MLLT10: variants seen among roughly 807,000 people sequenced by gnomAD.
MLLT10 encodes MLLT10 histone lysine methyltransferase DOT1L cofactor, also known as protein AF-10.
A neutral mutation model predicts 129.1 loss-of-function variants in MLLT10; 30 were observed. The observed-to-expected ratio is 0.23, with a 90% CI of 0.17 to 0.32. MLLT10 has a LOEUF of 0.32. Ranked by LOEUF, MLLT10 falls within the 10% of genes least tolerant of loss-of-function variation. MLLT10 has a pLI of 1.00. For synonymous variants in MLLT10, 490 were observed against 446.4 expected, an observed-to-expected ratio of 1.10 and a Z score of -1.23; for missense variants, 1,119 against 1,268.3, an observed-to-expected ratio of 0.88 and a Z score of 1.79.
chr10:21,673,961 C>G, intron 11 of MLLT10, 42 bp downstream of exon 11: 1 of 1,448,842 alleles, frequency 6.9e-7, no homozygotes, highest in Non-Finnish European at 9.3e-7. Context: ...TCACTCCCAC[C>G]ACCTCCCTTC....
chr10:21,727,590 G>A (rs951180630), intron 15 of MLLT10, among the ~76,000 whole-genome samples: 3 of 152,214 alleles, frequency 2.0e-5, no homozygotes, highest in South Asian at 2.1e-4. Context: ...TGCAAACCAC[G>A]CTTCTGTGCT....
At chr10:21,720,074 C>T (rs181599352) in intron 14 of MLLT10, among the ~76,000 whole-genome samples, 14 of 152,192 alleles carry the variant, frequency 9.2e-5, no homozygotes, top group Admixed American at 8.5e-4. Flanking sequence ...AGTTAAGAAA[C>T]CTACTTAGAA....
intron 9 of MLLT10, among the ~76,000 whole-genome samples, chr10:21,668,263 T>C (rs2051033853): frequency 6.6e-6 from 1 of 152,172 alleles, no homozygotes; most frequent in South Asian, 2.1e-4. Context: ...AGTCTTGGGC[T>C]TACTCATAGT....
intron 4 of MLLT10, among the ~76,000 whole-genome samples, chr10:21,586,923 C>T (rs1476728942): frequency 1.3e-5 from 2 of 150,004 alleles, no homozygotes; most frequent in South Asian, 2.1e-4. Flanking sequence ...GATATAGTTT[C>T]TTATGTTAGG....
chr10:21,675,695 A>G (rs1328516724), intron 11 of MLLT10, among the ~76,000 whole-genome samples: 1 of 152,230 alleles, frequency 6.6e-6, no homozygotes, highest in Non-Finnish European at 1.5e-5. Context: ...AGGCGTAGTA[A>G]TCAATCACAT....
chr10:21,636,399 C>G (rs934515443), intron 8 of MLLT10, among the ~76,000 whole-genome samples: 1 of 152,022 alleles, frequency 6.6e-6, no homozygotes, highest in Non-Finnish European at 1.5e-5. Flanking sequence ...ACCAGTGTTA[C>G]GATTACAGGG....
intron 3 of MLLT10, among the ~76,000 whole-genome samples, chr10:21,559,559 C>T (rs1490337575): frequency 1.3e-5 from 2 of 152,182 alleles, no homozygotes; most frequent in African/African-American, 4.8e-5. Flanking sequence ...TAACCGTCAG[C>T]AGTATATATT....
At chr10:21,643,581 A>G (rs1179458270) in intron 8 of MLLT10, among the ~76,000 whole-genome samples, 3 of 152,194 alleles carry the variant, frequency 2.0e-5, no homozygotes, top group Non-Finnish European at 4.4e-5. Flanking sequence ...AATGGAGAAC[A>G]TTTCCTTTTG....
intron 9 of MLLT10, among the ~76,000 whole-genome samples, chr10:21,666,073 TTCTC>T (rs2050762681): frequency 6.6e-6 from 1 of 152,214 alleles, no homozygotes; most frequent in Admixed American, 6.5e-5. Context: ...TCCCTTCTCT[TTCTC>T]TGTCTGCTGT....
chr10:21,594,178 A>G (rs533912043), intron 4 of MLLT10, among the ~76,000 whole-genome samples: 5 of 151,958 alleles, frequency 3.3e-5, no homozygotes, highest in Non-Finnish European at 7.4e-5. Context: ...CTGAAACGAG[A>G]GGGGTTTACT....
intron 17 of MLLT10, among the ~76,000 whole-genome samples, chr10:21,731,750 G>A (rs748127220): frequency 5.3e-5 from 8 of 152,224 alleles, no homozygotes; most frequent in Middle Eastern, 3.4e-3. Context: ...TATTAGGGCC[G>A]TGGGTGTAAA....
intron 12 of MLLT10, 70 bp downstream of exon 12, chr10:21,681,446 C>T (rs1249902049): frequency 1.9e-6 from 2 of 1,055,120 alleles, no homozygotes; most frequent in Non-Finnish European, 2.8e-6. Context: ...GTATGTTATG[C>T]CACCTCGGAA....
intron 3 of MLLT10, among the ~76,000 whole-genome samples, chr10:21,550,635 G>A (rs1032393795): frequency 1.3e-5 from 2 of 152,120 alleles, no homozygotes; most frequent in African/African-American, 2.4e-5. Context: ...GGGTTGGAGC[G>A]ATTCACCTTC....
In MLLT10 at chr10:21,554,268, T is replaced by G. The variant is rs1349986375; in HGVS notation, c.240+15356T>G. 2.6e-5 allele frequency among the ~76,000 whole-genome samples: 4 copies of G among 152,336 alleles called. No individual in the cohort carries two copies. The South Asian group carries it at 8.3e-4, about 32-fold the overall frequency. On this transcript the variant is annotated intron_variant, in intron 3 of 22. Transcript: ENST00000307729. ...GTATTTTCTGTTTCAGTTCTTTAAC[T>G]CTTTTTACTCTATTTTCTGAGGTGA... is the stretch of plus-strand genomic sequence containing the variant.
intron 8 of MLLT10, among the ~76,000 whole-genome samples, chr10:21,621,848 G>T (rs2045893809): frequency 6.6e-6 from 1 of 152,066 alleles, no homozygotes; most frequent in South Asian, 2.1e-4. Context: ...GTTTCTCTTT[G>T]TGTATTTAAA....
chr10:21,574,092 TATC>T (rs1318147585), intron 3 of MLLT10, among the ~76,000 whole-genome samples: 3 of 152,166 alleles, frequency 2.0e-5, no homozygotes, highest in Non-Finnish European at 4.4e-5. Context: ...TGAAGGAACT[TATC>T]AGTGAAAAAA....
chr10:21,678,045 C>T (rs2052363248), intron 11 of MLLT10, among the ~76,000 whole-genome samples: 1 of 152,050 alleles, frequency 6.6e-6, no homozygotes, highest in Non-Finnish European at 1.5e-5. Flanking sequence ...TTGTACTTCC[C>T]CTCTGAGTGT....
chr10:21,566,882 C>T (rs909233302), intron 3 of MLLT10, among the ~76,000 whole-genome samples: 1 of 151,928 alleles, frequency 6.6e-6, no homozygotes, highest in Non-Finnish European at 1.5e-5. Flanking sequence ...GGCATGATCT[C>T]GGCTCACCTC....
At chr10:21,709,384 G>A (rs1487590979) in intron 13 of MLLT10, among the ~76,000 whole-genome samples, 7 of 151,934 alleles carry the variant, frequency 4.6e-5, no homozygotes, top group Admixed American at 3.9e-4. Flanking sequence ...GGCATGCGCC[G>A]CCATGCCTGG....
Sources: allele counts gnomAD v4.1 joint callset (sites outside exome capture counted in the v4.1 genomes callset), GRCh38; gene constraint gnomAD v4.1.1; transcripts MANE v1.5; gene names NCBI Gene and HGNC (gene_info 2026-07-23, HGNC 2026-07-21).